Variants in ABTB3 observed in about 807,000 individuals in gnomAD.
ABTB3 encodes the protein ankyrin repeat and BTB domain containing 3.
chr12:107,542,368 G>A, the ABTB3 span, among the ~76,000 whole-genome samples: 12 of 151,138 alleles, frequency 7.9e-5, no homozygotes, highest in Non-Finnish European at 1.3e-4. Flanking sequence ...CCCAAAGTAC[G>A]CAACATATTC....
At chr12:107,601,663 C>T in the ABTB3 span, among the ~76,000 whole-genome samples, 1 of 152,198 alleles carries the variant, frequency 6.6e-6, no homozygotes, top group Non-Finnish European at 1.5e-5. Context: ...AATCCTGACT[C>T]CTACTCAGCT....
the ABTB3 span, among the ~76,000 whole-genome samples, chr12:107,556,334 G>A: frequency 6.6e-6 from 1 of 152,100 alleles, no homozygotes; most frequent in Middle Eastern, 3.4e-3. Flanking sequence ...AACCTCAGGT[G>A]ATCCACCCAC....
the ABTB3 span, among the ~76,000 whole-genome samples, chr12:107,398,311 A>G: frequency 6.6e-6 from 1 of 152,220 alleles, no homozygotes; most frequent in Non-Finnish European, 1.5e-5. Flanking sequence ...TCACTGAGAT[A>G]GAGTCATTTT....
the ABTB3 span, among the ~76,000 whole-genome samples, chr12:107,411,429 T>G: frequency 1.3e-5 from 2 of 152,264 alleles, no homozygotes; most frequent in Non-Finnish European, 2.9e-5. Context: ...TGGGGTATTA[T>G]GTGAATCAAA....
chr12:107,463,891 A>T, the ABTB3 span, among the ~76,000 whole-genome samples: 1 of 152,106 alleles, frequency 6.6e-6, no homozygotes. Flanking sequence ...ATCAGAAAAG[A>T]TGGTTCCTAC....
chr12:107,490,085 T>C, the ABTB3 span, among the ~76,000 whole-genome samples: 1 of 152,168 alleles, frequency 6.6e-6, no homozygotes, highest in Non-Finnish European at 1.5e-5. Context: ...CACTCATAGG[T>C]GGATCTCTGT....
the ABTB3 span, among the ~76,000 whole-genome samples, chr12:107,485,899 G>A: frequency 6.6e-6 from 1 of 152,158 alleles, no homozygotes; most frequent in East Asian, 1.9e-4. Context: ...CTGATTCCAA[G>A]TTCCTGCTAA....
the ABTB3 span, among the ~76,000 whole-genome samples, chr12:107,653,472 G>T: frequency 2.7e-5 from 4 of 150,532 alleles, no homozygotes; most frequent in African/African-American, 9.8e-5. Flanking sequence ...AGTGGAGATC[G>T]CGCCACTGCA....
At chr12:107,387,109 C>T in the ABTB3 span, among the ~76,000 whole-genome samples, 2 of 151,856 alleles carry the variant, frequency 1.3e-5, no homozygotes, top group African/African-American at 2.4e-5. Flanking sequence ...TCCTGAGTAG[C>T]TGGGATTACA....
chr12:107,512,978 A>G, the ABTB3 span, among the ~76,000 whole-genome samples: 1 of 152,244 alleles, frequency 6.6e-6, no homozygotes, highest in South Asian at 2.1e-4. Flanking sequence ...TAAGTAAAGC[A>G]ACCAGGGTTC....
chr12:107,367,856 T>C, the ABTB3 span, among the ~76,000 whole-genome samples: 2 of 152,190 alleles, frequency 1.3e-5, no homozygotes, highest in East Asian at 3.9e-4. Context: ...TCCACTCCCC[T>C]GTAGGTACTC....
chr12:107,589,166 T>C, the ABTB3 span, among the ~76,000 whole-genome samples: 2 of 152,254 alleles, frequency 1.3e-5, no homozygotes, highest in Non-Finnish European at 2.9e-5. Context: ...ACTTGTGTCA[T>C]AGTAAATGCA....
the ABTB3 span, among the ~76,000 whole-genome samples, chr12:107,590,720 C>T: frequency 1.3e-5 from 2 of 152,188 alleles, no homozygotes; most frequent in Non-Finnish European, 1.5e-5. Flanking sequence ...CAGGGAACTA[C>T]ATCTTAAATA....
At chr12:107,325,612 A>G in the ABTB3 span, among the ~76,000 whole-genome samples, 3 of 152,208 alleles carry the variant, frequency 2.0e-5, no homozygotes, top group Admixed American at 1.3e-4. Context: ...CTGAAGACCT[A>G]GGGTCAAGGG....
At chr12:107,490,030 T>A in the ABTB3 span, among the ~76,000 whole-genome samples, 1 of 152,228 alleles carries the variant, frequency 6.6e-6, no homozygotes, top group Non-Finnish European at 1.5e-5. Context: ...AATACATTTT[T>A]ATGCAACAAT....
chr12:107,526,724 G>A, the ABTB3 span, among the ~76,000 whole-genome samples: 24 of 152,150 alleles, frequency 1.6e-4, no homozygotes, highest in Admixed American at 1.3e-3. Flanking sequence ...AGGCAATTAG[G>A]CAATCAAAAC....
the ABTB3 span, among the ~76,000 whole-genome samples, chr12:107,449,111 T>C: frequency 6.6e-6 from 1 of 152,172 alleles, no homozygotes; most frequent in Non-Finnish European, 1.5e-5. Context: ...GAGGCAGCCA[T>C]GTGCCTGGGC....
chr12:107,402,004 A>G, the ABTB3 span, among the ~76,000 whole-genome samples: 40 of 146,506 alleles, frequency 2.7e-4, no homozygotes, highest in Admixed American at 5.7e-4. Context: ...GCCCAGTTCT[A>G]TCTCGACTCC....
chr12:107,550,797 G>T, the ABTB3 span, among the ~76,000 whole-genome samples: 1 of 151,918 alleles, frequency 6.6e-6, no homozygotes, highest in South Asian at 2.1e-4. Context: ...TGGCTAGACT[G>T]GTCTCAAACT....
Sources: allele counts gnomAD v4.1 joint callset (sites outside exome capture counted in the v4.1 genomes callset), GRCh38; gene constraint gnomAD v4.1.1; transcripts MANE v1.5; gene names NCBI Gene and HGNC (gene_info 2026-07-23, HGNC 2026-07-21).